Variants in PIWIL2 observed in about 807,000 individuals in gnomAD.
The protein encoded by PIWIL2 is piwi like RNA-mediated gene silencing 2.
A neutral mutation model predicts 116.5 loss-of-function variants in PIWIL2; 81 were observed. The observed-to-expected ratio is 0.70, with a 90% CI of 0.58 to 0.84. The LOEUF (loss-of-function observed/expected upper bound fraction) is 0.84, where lower values mean the gene tolerates loss of function less well. Ranked by LOEUF, PIWIL2 falls within the 40% of genes least tolerant of loss-of-function variation. The pLI is 0.00. For synonymous variants in PIWIL2, 489 were observed against 429.5 expected (o/e 1.14, Z -1.71); for missense variants, 1,272 against 1,212.3 (o/e 1.05, Z -0.73).
intron 20 of PIWIL2, among the ~76,000 whole-genome samples, chr8:22,332,617 A>G (rs150965021): frequency 0.012 from 1,857 of 152,268 alleles, 22 homozygotes; most frequent in Non-Finnish European, 0.021. Flanking sequence ...GGTTCCTTCA[A>G]AGGATCAATA....
intron 2 of PIWIL2, among the ~76,000 whole-genome samples, chr8:22,280,603 C>T (rs1047275667): frequency 6.6e-6 from 1 of 152,156 alleles, no homozygotes; most frequent in Admixed American, 6.5e-5. Flanking sequence ...TTATTCATGT[C>T]AGATCCAACT....
chr8:22,321,959 A>G, intron 20 of PIWIL2: 1 of 984,836 alleles, frequency 1.0e-6, no homozygotes. Flanking sequence ...TCTCCATTCT[A>G]AATCTCTCAC....
chr8:22,288,514 G>A (rs1185469620), intron 7 of PIWIL2, 28 bp from the exon 8 acceptor site: 3 of 1,596,552 alleles, frequency 1.9e-6, no homozygotes, highest in South Asian at 1.1e-5. Flanking sequence ...TTGTCATTTT[G>A]TTTCACCTGT....
chr8:22,343,435 C>CA (rs564290226), intron 20 of PIWIL2, among the ~76,000 whole-genome samples: 3,569 of 141,822 alleles, frequency 0.025, 133 homozygotes, highest in African/African-American at 0.082. Context: ...AACTCCATCT[C>CA]AAAAAAAAAA....
intron 20 of PIWIL2, among the ~76,000 whole-genome samples, chr8:22,338,691 AAAATAAAT>A (rs71544880): frequency 0.052 from 7,804 of 150,034 alleles, 302 homozygotes; most frequent in Admixed American, 0.087. Flanking sequence ...CTCCATCTCA[AAAATAAAT>A]AAATAAATAA....
chr8:22,312,204 G>A (rs1831349316), intron 16 of PIWIL2, among the ~76,000 whole-genome samples: 1 of 151,202 alleles, frequency 6.6e-6, no homozygotes, highest in Non-Finnish European at 1.5e-5. Context: ...GGTTGAGGCT[G>A]CAGTGAGCTA....
At chr8:22,351,440 CATATATATATATATATATATATATATAT>C (rs71544885) in intron 20 of PIWIL2, among the ~76,000 whole-genome samples, 25 of 52,932 alleles carry the variant, frequency 4.7e-4, no homozygotes, top group African/African-American at 1.3e-3. Flanking sequence ...TGCATACATA[CATATATATATATATATATATATATATAT>C]ATATATATAT....
Position 22,353,159 on chromosome 8 carries a change from T to A in PIWIL2, c.2604T>A (p.Phe868Leu). 6.2e-7 allele frequency: 1 copy of A among 1,614,072 alleles called. No homozygotes were observed. Among genetic ancestry groups the A allele is most frequent in the Non-Finnish European group, 8.5e-7 (1 of 1,179,924 alleles). Residue 868 changes from phenylalanine to leucine, a missense_variant, in exon 21 of 23, where the codon TTT (phenylalanine) becomes TTA (leucine). Transcript: ENST00000356766. ...TATATCTGGCTGCTCCTCAGAACTT[T>A]GTAACTCCCACTCCTGGAACTGTGG... ...TNLYLAAPQN[F>L]VTPTPGTVVD...
rs78943727 is a variant in PIWIL2 at position 22,281,620 on chromosome 8, C to G, written c.425+105C>G. Reference sequence around the variant, plus strand: ...AGTTGTGTCATCTCATAATCAATGTCTGGTTTTATATTAAAGAATGCATAT... The same window carrying G: ...AGTTGTGTCATCTCATAATCAATGTGTGGTTTTATATTAAAGAATGCATAT... On this transcript the variant is annotated intron_variant, in intron 4 of 22. Coordinates refer to ENST00000356766, the MANE Select transcript of PIWIL2 (RefSeq NM_018068.5). 16 of 952,448 alleles carry G rather than the reference C, an allele frequency of 1.7e-5. No individual in the cohort carries two copies. In the African/African-American group the frequency reaches 2.7e-4, roughly 16 times the overall value. The allele number at this position is 952,448 out of a possible 1,614,324, so 59.0% of individuals were successfully genotyped here.
Position 22,281,340 on chromosome 8 carries a change from G to C in PIWIL2, c.287-37G>C, listed in dbSNP as rs367639045. 21 of 1,594,836 alleles carry C rather than the reference G, an allele frequency of 1.3e-5. No homozygotes were observed. In the African/African-American group the frequency reaches 2.6e-4, roughly 20 times the overall value. ...AAACTATACTTTAAAACACGTTTAA[G>C]TCATAGTCATTGCTGGGGTTCGGTT... On this transcript the variant is annotated intron_variant, in intron 3 of 22. Transcript: ENST00000356766.
intron 5 of PIWIL2, among the ~76,000 whole-genome samples, chr8:22,283,687 G>A (rs1309716845): frequency 2.0e-5 from 3 of 152,186 alleles, no homozygotes; most frequent in African/African-American, 7.2e-5. Flanking sequence ...GGGATTACAG[G>A]TGTGAGCCAC....
At chr8:22,349,907 A>G (rs1586601452) in intron 20 of PIWIL2, among the ~76,000 whole-genome samples, 1 of 152,232 alleles carries the variant, frequency 6.6e-6, no homozygotes, top group East Asian at 1.9e-4. Flanking sequence ...GATGGAAGCA[A>G]GGGAGGAGCA....
chr8:22,338,822 AT>A (rs559994333), intron 20 of PIWIL2, among the ~76,000 whole-genome samples: 2 of 151,452 alleles, frequency 1.3e-5, no homozygotes, highest in Non-Finnish European at 2.9e-5. Context: ...CAAAAGTAAC[AT>A]TTTTTTTTGC....
chr8:22,330,339 C>T (rs1235636752), intron 20 of PIWIL2, among the ~76,000 whole-genome samples: 1 of 152,038 alleles, frequency 6.6e-6, no homozygotes, highest in Non-Finnish European at 1.5e-5. Context: ...TTTGGTGAGA[C>T]ACATTCTCAT....
chr8:22,304,900 C>T (rs563081676), intron 12 of PIWIL2, 32 bp downstream of exon 12: 2 of 1,408,016 alleles, frequency 1.4e-6, no homozygotes, highest in Non-Finnish European at 2.0e-6. Flanking sequence ...ACAATTCCAG[C>T]TTAAGTTCTT....
chr8:22,316,118 TCCCAGAA>T, intron 18 of PIWIL2, 120 bp from the exon 19 acceptor site: 4 of 610,474 alleles, frequency 6.6e-6, no homozygotes, highest in Non-Finnish European at 1.2e-5. Flanking sequence ...TTTTTTTCTT[TCCCAGAA>T]CTTACTTTCA....
chr8:22,294,358 A>AG (rs1830836526), intron 10 of PIWIL2, among the ~76,000 whole-genome samples: 2 of 135,596 alleles, frequency 1.5e-5, no homozygotes, highest in African/African-American at 5.5e-5. Context: ...AAAAAAAAAA[A>AG]GGTCCGAGCG....
intron 20 of PIWIL2, among the ~76,000 whole-genome samples, chr8:22,330,781 T>TGG (rs1435197867): frequency 1.3e-5 from 2 of 152,158 alleles, no homozygotes; most frequent in Non-Finnish European, 2.9e-5. Context: ...GGACCACGTC[T>TGG]GGGCTTCCTC....
intron 20 of PIWIL2, among the ~76,000 whole-genome samples, chr8:22,346,895 G>A (rs1586598762): frequency 6.6e-6 from 1 of 151,978 alleles, no homozygotes; most frequent in Admixed American, 6.6e-5. Flanking sequence ...AAAATTTTTA[G>A]TTGGGCATAG....
Sources: gnomAD v4.1 joint callset for allele counts (sites outside exome capture counted in the v4.1 genomes callset) on GRCh38, gnomAD v4.1.1 for gene constraint, MANE v1.5 for transcripts, NCBI Gene and HGNC (gene_info 2026-07-23, HGNC 2026-07-21) for gene names.